The following NCOA1 variants were observed in gnomAD, a reference collection of about 807,000 sequenced individuals.
NCOA1 encodes nuclear receptor coactivator 1, also known as Hin-2 protein.
NCOA1 carries 35 observed loss-of-function variants against 150.9 expected under a neutral mutation model. That is an observed-to-expected ratio of 0.23 (90% CI 0.18 to 0.31). The LOEUF (loss-of-function observed/expected upper bound fraction) is 0.31, where lower values mean the gene tolerates loss of function less well. Among genes scored for constraint, NCOA1 ranks in the 10% least tolerant of loss-of-function variants. The pLI is 1.00. For missense variants in NCOA1, 1,491 were observed against 1,749.3 expected, an observed-to-expected ratio of 0.85 and a Z score of 2.63; for synonymous variants, 590 against 630.0, an observed-to-expected ratio of 0.94 and a Z score of 0.95.
intron 1 of NCOA1, among the ~76,000 whole-genome samples, chr2:24,549,258 G>A (rs1477461616): frequency 6.6e-6 from 1 of 152,172 alleles, no homozygotes; most frequent in African/African-American, 2.4e-5. Context: ...TTGTACCTTG[G>A]CCCCTTTTAG....
At chr2:24,494,755 T>G (rs1382930508) in intron 1 of NCOA1, among the ~76,000 whole-genome samples, 1 of 152,158 alleles carries the variant, frequency 6.6e-6, no homozygotes, top group Non-Finnish European at 1.5e-5. Flanking sequence ...CAGAACACTG[T>G]ATCTGATCTG....
At chr2:24,494,933 A>C (rs996556102) in intron 1 of NCOA1, among the ~76,000 whole-genome samples, 3 of 152,184 alleles carry the variant, frequency 2.0e-5, no homozygotes, top group African/African-American at 7.2e-5. Flanking sequence ...TCTATTCTTA[A>C]CATTGAAGAT....
chr2:24,751,996 G>A lies in NCOA1; in HGVS notation c.3721G>A (p.Gly1241Ser), dbSNP rs764666047. The change falls in exon 20 of 23, where the codon GGT becomes AGT. Residue 1241 changes from glycine to serine, a missense_variant. Transcript: ENST00000348332. ...QYPGAGMVPQ[G>S]EANFAPSLSP... ...TCAATTTACAGGAATGGTTCCCCAA[G>A]GTGAGGCCAACTTTGCTCCATCTCT... The A allele has an allele frequency of 1.9e-6, 3 of 1,612,236 alleles. No homozygotes were observed. Among genetic ancestry groups the A allele is most frequent in the Non-Finnish European group, 2.5e-6 (3 of 1,179,174 alleles).
intron 19 of NCOA1, among the ~76,000 whole-genome samples, chr2:24,749,708 A>G (rs535543274): frequency 1.3e-5 from 2 of 152,310 alleles, no homozygotes; most frequent in East Asian, 3.8e-4. Flanking sequence ...GGTCAAAAAT[A>G]TTTAAAAGAA....
intron 3 of NCOA1, among the ~76,000 whole-genome samples, chr2:24,608,546 C>T (rs761249241): frequency 6.6e-5 from 10 of 151,628 alleles, no homozygotes; most frequent in Non-Finnish European, 1.0e-4. Flanking sequence ...GGATTATAGG[C>T]ATGAGCCACC....
chr2:24,538,547 C>T (rs1665260170), intron 1 of NCOA1, among the ~76,000 whole-genome samples: 2 of 152,186 alleles, frequency 1.3e-5, no homozygotes, highest in African/African-American at 4.8e-5. Flanking sequence ...AACTTGAGAG[C>T]TTGGATGCGA....
In NCOA1 at chr2:24,770,511, T is replaced by C. The variant is rs1665268923; in HGVS notation, c.*2120T>C. ...TTGCTACATTTGAGGAAAATAAAAT[T>C]GCTTGCTTCTATGTAATTCCTGTCA... is the stretch of plus-strand genomic sequence containing the variant. On this transcript the variant is annotated 3_prime_UTR_variant, in exon 23 of 23. Coordinates refer to ENST00000348332, the MANE Select transcript of NCOA1 (RefSeq NM_003743.5). 4.5e-6 allele frequency: 1 copy of C among 221,172 alleles called. No individual in the cohort carries two copies. Among genetic ancestry groups the C allele is most frequent in the Non-Finnish European group, 9.1e-6 (1 of 110,242 alleles). The allele number at this position is 221,172 out of a possible 1,614,324, so 13.7% of individuals were successfully genotyped here.
intron 1 of NCOA1, among the ~76,000 whole-genome samples, chr2:24,553,604 T>C (rs1177978501): frequency 6.6e-6 from 1 of 152,236 alleles, no homozygotes; most frequent in Non-Finnish European, 1.5e-5. Flanking sequence ...GGATTTTCTT[T>C]CATATGTTGA....
intron 17 of NCOA1, among the ~76,000 whole-genome samples, chr2:24,734,737 C>G (rs906294931): frequency 6.6e-6 from 1 of 151,994 alleles, no homozygotes; most frequent in Non-Finnish European, 1.5e-5. Flanking sequence ...AGCCAGAGTT[C>G]AAGGCTGCAG....
At chr2:24,513,950 G>A (rs955711329) in intron 1 of NCOA1, among the ~76,000 whole-genome samples, 1 of 152,056 alleles carries the variant, frequency 6.6e-6, no homozygotes, top group Non-Finnish European at 1.5e-5. Flanking sequence ...ACTTATTCTG[G>A]TATAAAGCCA....
chr2:24,607,518 T>C (rs1322854377), intron 3 of NCOA1, among the ~76,000 whole-genome samples: 7 of 152,126 alleles, frequency 4.6e-5, no homozygotes, highest in Admixed American at 1.3e-4. Flanking sequence ...GGAAACCCCA[T>C]CTCTACTAAA....
At chr2:24,551,094 C>CAAA (rs767086071) in intron 1 of NCOA1, among the ~76,000 whole-genome samples, 3 of 69,376 alleles carry the variant, frequency 4.3e-5, no homozygotes, top group African/African-American at 1.1e-4. Context: ...GACTTTGTCT[C>CAAA]AAAAAAAAAA....
chr2:24,589,743 T>G (rs1389151794), intron 3 of NCOA1, among the ~76,000 whole-genome samples: 1 of 152,102 alleles, frequency 6.6e-6, no homozygotes, highest in Non-Finnish European at 1.5e-5. Context: ...TTGTACAGTC[T>G]TAGTGGGAAG....
intron 1 of NCOA1, among the ~76,000 whole-genome samples, chr2:24,551,332 A>G (rs1160062084): frequency 6.6e-6 from 1 of 152,082 alleles, no homozygotes; most frequent in African/African-American, 2.4e-5. Flanking sequence ...TATTGTGTTG[A>G]AGAGTTCTTT....
chr2:24,750,067 G>A (rs773370194), intron 19 of NCOA1, among the ~76,000 whole-genome samples: 1 of 151,804 alleles, frequency 6.6e-6, no homozygotes. Flanking sequence ...AACCCTAGAT[G>A]AGATAAACAG....
At chr2:24,584,449 A>AT (rs1667318586) in intron 2 of NCOA1, 27 bp from the exon 3 acceptor site, 1 of 152,174 alleles carries the variant, frequency 6.6e-6, no homozygotes, top group Non-Finnish European at 1.5e-5. Context: ...GATCCAATTG[A>AT]TTGACTTACT....
At chr2:24,635,307 C>G (rs1669893255) in intron 3 of NCOA1, among the ~76,000 whole-genome samples, 1 of 152,038 alleles carries the variant, frequency 6.6e-6, no homozygotes, top group South Asian at 2.1e-4. Context: ...TGTGCAGTCC[C>G]TAAGTAAGTG....
rs543622471 is a variant in NCOA1 at position 24,585,579 on chromosome 2, A to C, written c.-175+1019A>C. 2.3e-4 allele frequency among the ~76,000 whole-genome samples: 35 copies of C among 152,134 alleles called. 1 individual carries two copies. The highest frequency in any genetic ancestry group is 8.4e-4 in the African/African-American group (35 of 41,546). On this transcript the variant is annotated intron_variant, in intron 3 of 22. Coordinates refer to ENST00000348332, the MANE Select transcript of NCOA1 (RefSeq NM_003743.5). ...TACAGATTTTTGACTTCCTTTTGTC[A>C]TATGTTTATTGGCTATTGGTCTTTC...
intron 1 of NCOA1, among the ~76,000 whole-genome samples, chr2:24,509,374 A>G (rs1432151538): frequency 1.3e-5 from 2 of 152,230 alleles, no homozygotes; most frequent in African/African-American, 2.4e-5. Context: ...TGGGTATACA[A>G]ATAGCTGCCT....
Sources: allele counts gnomAD v4.1 joint callset (sites outside exome capture counted in the v4.1 genomes callset), GRCh38; gene constraint gnomAD v4.1.1; transcripts MANE v1.5; gene names NCBI Gene and HGNC (gene_info 2026-07-23, HGNC 2026-07-21).